GDPD4: variants seen among roughly 807,000 people sequenced by gnomAD.
GDPD4 encodes the protein glycerophosphodiester phosphodiesterase domain containing 4.
In GDPD4, 60 loss-of-function variants were observed where a neutral mutation model predicts 67.8. That is an observed-to-expected ratio of 0.88 (90% CI 0.72 to 1.10). The LOEUF (loss-of-function observed/expected upper bound fraction) is 1.10, where lower values mean the gene tolerates loss of function less well. Ranked by LOEUF, GDPD4 falls within the 50% of genes least tolerant of loss-of-function variation. The pLI, the probability that GDPD4 is intolerant of heterozygous loss-of-function variation, is 0.00. For missense variants in GDPD4, 623 were observed against 613.9 expected, an observed-to-expected ratio of 1.01 and a Z score of -0.16; for synonymous variants, 212 against 210.9, an observed-to-expected ratio of 1.00 and a Z score of -0.04.
In GDPD4 at chr11:77,247,207, T is replaced by C. The variant is rs115629956; in HGVS notation, c.865-1705A>G. ...GATCTAAACCATGGTTTAGATCTGA[T>C]TGAAAGCTACAACTAATGGTTTTCT... On this transcript the variant is annotated intron_variant, in intron 11 of 16. Transcript: ENST00000315938. Among the ~76,000 whole-genome samples the C allele has an allele frequency of 3.2e-3, 482 of 152,300 alleles. 4 individuals carry two copies. Among genetic ancestry groups the C allele is most frequent in the African/African-American group, 0.011 (460 of 41,562 alleles).
chr11:77,268,683 G>C, intron 9 of GDPD4, 144 bp from the exon 10 acceptor site: 1 of 755,836 alleles, frequency 1.3e-6, no homozygotes, highest in Non-Finnish European at 2.2e-6. Context: ...TATACCCTCC[G>C]TCCAAGCTGA....
intron 11 of GDPD4, among the ~76,000 whole-genome samples, chr11:77,250,331 C>T (rs936164974): frequency 1.3e-5 from 2 of 152,172 alleles, no homozygotes; most frequent in African/African-American, 4.8e-5. Context: ...TAAGTGAGAA[C>T]ATGCAGTATT....
chr11:77,216,789 AC>A lies in GDPD4; in HGVS notation c.*487del. Reference sequence around the variant, plus strand: ...TTATCAACCACTCCCCACCATCACCACCCTTAGGCAGAGAGAGGAAGAAGCA... The same window carrying A: ...TTATCAACCACTCCCCACCATCACCACCTTAGGCAGAGAGAGGAAGAAGCA... On this transcript the variant is annotated 3_prime_UTR_variant, in exon 17 of 17. Coordinates refer to ENST00000315938, the MANE Select transcript of GDPD4 (RefSeq NM_182833.3). The A allele has an allele frequency of 1.7e-6, 1 of 605,482 alleles. No homozygotes were observed. Among genetic ancestry groups the A allele is most frequent in the South Asian group, 2.0e-5 (1 of 49,472 alleles). The allele number at this position is 605,482 out of a possible 1,614,324, so 37.5% of individuals were successfully genotyped here. A position where few individuals can be genotyped will look rare whatever the true frequency, so the allele number is the denominator to read the frequency against.
At chr11:77,261,751 C>T (rs996520085) in intron 10 of GDPD4, among the ~76,000 whole-genome samples, 4 of 152,172 alleles carry the variant, frequency 2.6e-5, no homozygotes, top group Admixed American at 2.6e-4. Flanking sequence ...GCTATTAACT[C>T]AGTTTTCCCA....
rs1225456138 is a variant in GDPD4, at chr11:77,271,187, C to G, written c.343G>C (p.Val115Leu). Residue 115 changes from valine to leucine, a missense_variant, in exon 7 of 17, where the codon GTG (valine) becomes CTG (leucine). Transcript: ENST00000315938. ...ACAGGCCAGAAAAGGATAACCATCA[C>G]AGTTATGCTGACCAGGTGCACGTAG... Reference protein sequence around the residue: ...APYVHLVSITVMVILFWPVAF... With the variant: ...APYVHLVSITLMVILFWPVAF... 6.2e-7 allele frequency: 1 copy of G among 1,612,936 alleles called. No individual in the cohort carries two copies. The highest frequency in any genetic ancestry group is 1.3e-5 in the African/African-American group (1 of 74,870).
chr11:77,249,896 A>C (rs909679434), intron 11 of GDPD4, among the ~76,000 whole-genome samples: 1 of 152,172 alleles, frequency 6.6e-6, no homozygotes, highest in African/African-American at 2.4e-5. Flanking sequence ...TCATTTCAAA[A>C]ATTTTTTAAA....
At chr11:77,227,023 C>T (rs942239000) in intron 16 of GDPD4, among the ~76,000 whole-genome samples, 1 of 152,138 alleles carries the variant, frequency 6.6e-6, no homozygotes, top group Non-Finnish European at 1.5e-5. Context: ...GTGACTGTTC[C>T]AACTTTAATT....
rs1565511207 is a variant in GDPD4, at chr11:77,233,118, C to T, written c.1296G>A (p.Trp432Ter). ...TGGAGCACCAGGCCAGTGAGAAAAGCCAAGGCTCATTGACGGTGTATACGT... is the reference window on the plus strand; with the variant it reads ...TGGAGCACCAGGCCAGTGAGAAAAGTCAAGGCTCATTGACGGTGTATACGT... ...HINVYTVNEP[W>*]LFSLAWCSRI... The change falls in exon 14 of 17, where the codon TGG becomes TGA. Residue 432 changes from tryptophan (W) to a stop codon, truncating the protein, a stop_gained. Coordinates refer to ENST00000315938, the MANE Select transcript of GDPD4 (RefSeq NM_182833.3). LOFTEE classifies it high-confidence loss of function. 2 of 1,614,030 alleles carry T rather than the reference C, an allele frequency of 1.2e-6. No homozygotes were observed. Among genetic ancestry groups the T allele is most frequent in the Non-Finnish European group, 1.7e-6 (2 of 1,179,936 alleles).
chr11:77,246,020 G>T (rs769844839), intron 11 of GDPD4, among the ~76,000 whole-genome samples: 11 of 152,180 alleles, frequency 7.2e-5, no homozygotes, highest in Non-Finnish European at 1.2e-4. Context: ...CAAGGCTGGT[G>T]CTGTGATCAT....
chr11:77,294,805 T>C (rs191577488), intron 1 of GDPD4, among the ~76,000 whole-genome samples: 1 of 152,112 alleles, frequency 6.6e-6, no homozygotes, highest in Admixed American at 6.5e-5. Context: ...TAGAGATCAA[T>C]GAAACAGAAT....
chr11:77,279,277 G>A, intron 4 of GDPD4, 29 bp downstream of exon 4: 1 of 1,410,656 alleles, frequency 7.1e-7, no homozygotes, highest in Non-Finnish European at 1.0e-6. Context: ...CTCAGGAAGG[G>A]AGTGGAAGAA....
chr11:77,234,670 CATG>C (rs1325454421), intron 13 of GDPD4, among the ~76,000 whole-genome samples: 24 of 152,304 alleles, frequency 1.6e-4, no homozygotes, highest in African/African-American at 5.8e-4. Flanking sequence ...CTGCAAAGGA[CATG>C]ATTTCATTCT....
chr11:77,218,519 C>G (rs2135814321), intron 16 of GDPD4, among the ~76,000 whole-genome samples: 1 of 152,264 alleles, frequency 6.6e-6, no homozygotes, highest in East Asian at 1.9e-4. Flanking sequence ...AGGTATTTCT[C>G]CTAATGCTAT....
At chr11:77,287,985 A>C (rs1960064158) in intron 1 of GDPD4, among the ~76,000 whole-genome samples, 1 of 152,216 alleles carries the variant, frequency 6.6e-6, no homozygotes, top group African/African-American at 2.4e-5. Context: ...TATTTCAGAG[A>C]TAGAACAAAA....
chr11:77,273,166 T>C (rs1358493905), intron 5 of GDPD4, among the ~76,000 whole-genome samples: 1 of 152,124 alleles, frequency 6.6e-6, no homozygotes, highest in African/African-American at 2.4e-5. Context: ...TACAAGGAGT[T>C]TGGGTTGATG....
chr11:77,244,298 C>T (rs969329443), intron 12 of GDPD4, among the ~76,000 whole-genome samples: 24 of 152,278 alleles, frequency 1.6e-4, no homozygotes, highest in Admixed American at 2.6e-4. Flanking sequence ...CTCCCAAGTG[C>T]TGGGATTACA....
chr11:77,219,281 A>G (rs964047826), intron 16 of GDPD4, among the ~76,000 whole-genome samples: 1 of 152,188 alleles, frequency 6.6e-6, no homozygotes, highest in African/African-American at 2.4e-5. Flanking sequence ...TCCAGGTATT[A>G]GCCCTTTGTT....
intron 3 of GDPD4, among the ~76,000 whole-genome samples, chr11:77,281,943 G>A (rs972832365): frequency 2.0e-5 from 3 of 152,044 alleles, no homozygotes; most frequent in Non-Finnish European, 4.4e-5. Flanking sequence ...GATTCTAGAT[G>A]AAAGATCAGA....
chr11:77,254,334 G>A (rs1359100384), intron 11 of GDPD4, among the ~76,000 whole-genome samples: 2 of 152,184 alleles, frequency 1.3e-5, no homozygotes, highest in Non-Finnish European at 2.9e-5. Context: ...GGGGGATGAG[G>A]TGGCAGGGTC....
Sources: allele counts gnomAD v4.1 joint callset (sites outside exome capture counted in the v4.1 genomes callset), GRCh38; gene constraint gnomAD v4.1.1; transcripts MANE v1.5; gene names NCBI Gene and HGNC (gene_info 2026-07-23, HGNC 2026-07-21).